Variants in PTPRD observed in about 807,000 individuals in gnomAD.
The protein encoded by PTPRD is receptor-type tyrosine-protein phosphatase delta.
In PTPRD, 34 loss-of-function variants were observed where a neutral mutation model predicts 214.5. The observed-to-expected ratio is 0.16, with a 90% CI of 0.12 to 0.21. The LOEUF (loss-of-function observed/expected upper bound fraction) is 0.21, where lower values mean the gene tolerates loss of function less well. PTPRD is among the 10% of genes least tolerant of loss of function. The pLI, the probability that PTPRD is intolerant of heterozygous loss-of-function variation, is 1.00. For synonymous variants in PTPRD, 1,128 were observed against 845.7 expected, an observed-to-expected ratio of 1.33 and a Z score of -5.79; for missense variants, 2,545 against 2,398.7, an observed-to-expected ratio of 1.06 and a Z score of -1.27.
At chr9:10,492,042 C>G (rs1435687358) in intron 2 of PTPRD, among the ~76,000 whole-genome samples, 1 of 152,092 alleles carries the variant, frequency 6.6e-6, no homozygotes, top group African/African-American at 2.4e-5. Flanking sequence ...AGGATGTGAA[C>G]TCATTGTTTT....
At chr9:10,288,767 T>C (rs929180666) in intron 3 of PTPRD, among the ~76,000 whole-genome samples, 10 of 152,120 alleles carry the variant, frequency 6.6e-5, no homozygotes, top group African/African-American at 2.4e-4. Flanking sequence ...TTCTAAAATA[T>C]AGACATGGCA....
In PTPRD at chr9:10,161,658, C is replaced by T. The variant is rs571554604; in HGVS notation, c.-544-127868G>A. 3.6e-4 allele frequency among the ~76,000 whole-genome samples: 54 copies of T among 151,678 alleles called. 3 individuals are homozygous for T. The South Asian group carries it at 0.01, about 29-fold the overall frequency. The stretch of plus-strand genomic sequence containing the variant: ...TGGGCAAAGAATTTTCGTGTAAGAC[C>T]ACAAAAGCAAGGCATTGCAAGCCAT... On this transcript the variant is annotated intron_variant, in intron 3 of 45. Transcript: ENST00000381196.
chr9:10,210,696 T>C (rs2049084921), intron 3 of PTPRD, among the ~76,000 whole-genome samples: 2 of 148,470 alleles, frequency 1.3e-5, no homozygotes, highest in South Asian at 2.1e-4. Context: ...TATTTCCATA[T>C]ACATAATACA....
In PTPRD at chr9:8,370,039, G is replaced by C. The variant is rs556762737; in HGVS notation, c.4661+5897C>G. ...ACAAGGCTCAAAAGTGGAACAAAACGGCCTTAGTTTCTAAGTGGAAGACTA... is the reference window on the plus strand; with the variant it reads ...ACAAGGCTCAAAAGTGGAACAAAACCGCCTTAGTTTCTAAGTGGAAGACTA... On this transcript the variant is annotated intron_variant, in intron 39 of 45. Coordinates refer to ENST00000381196, the MANE Select transcript of PTPRD (RefSeq NM_002839.4). Among the ~76,000 whole-genome samples, 4 of 152,050 alleles carry C rather than the reference G, an allele frequency of 2.6e-5. No homozygotes were observed. The South Asian group carries it at 8.3e-4, about 32-fold the overall frequency.
At chr9:9,897,678 T>C (rs779325021) in intron 5 of PTPRD, among the ~76,000 whole-genome samples, 29 of 151,988 alleles carry the variant, frequency 1.9e-4, no homozygotes, top group African/African-American at 7.0e-4. Context: ...GATTCACCTA[T>C]TGATTAGGAT....
chr9:10,051,336 T>G (rs1176337800), intron 3 of PTPRD, among the ~76,000 whole-genome samples: 2 of 152,180 alleles, frequency 1.3e-5, no homozygotes, highest in Non-Finnish European at 2.9e-5. Context: ...CTTCTCCTAC[T>G]GTGAGCCCTC....
chr9:8,968,302 T>C (rs1405890649), intron 11 of PTPRD, among the ~76,000 whole-genome samples: 2 of 152,120 alleles, frequency 1.3e-5, no homozygotes, highest in East Asian at 3.9e-4. Flanking sequence ...ATGGTATTTC[T>C]AGTTCTAGGT....
At chr9:9,692,361 C>T (rs1329920748) in intron 7 of PTPRD, among the ~76,000 whole-genome samples, 1 of 152,002 alleles carries the variant, frequency 6.6e-6, no homozygotes, top group African/African-American at 2.4e-5. Flanking sequence ...CCAGTATTCC[C>T]AGCACCATTT....
intron 2 of PTPRD, among the ~76,000 whole-genome samples, chr9:10,553,083 C>G (rs1164792504): frequency 6.6e-6 from 1 of 152,154 alleles, no homozygotes; most frequent in Non-Finnish European, 1.5e-5. Context: ...ATAGTGATCA[C>G]TAGCAACATC....
intron 3 of PTPRD, among the ~76,000 whole-genome samples, chr9:10,070,802 T>C (rs1423218878): frequency 1.3e-5 from 2 of 151,962 alleles, no homozygotes; most frequent in Non-Finnish European, 2.9e-5. Context: ...CACTATCATA[T>C]ATATTACAGT....
intron 34 of PTPRD, among the ~76,000 whole-genome samples, chr9:8,449,358 G>A (rs1370976036): frequency 1.3e-5 from 2 of 151,360 alleles, no homozygotes; most frequent in African/African-American, 2.4e-5. Context: ...GATGTGTACA[G>A]TCATCCATTT....
At chr9:8,318,039 T>C in intron 45 of PTPRD, 97 bp from the exon 46 acceptor site, 1 of 1,163,194 alleles carries the variant, frequency 8.6e-7, no homozygotes, top group Non-Finnish European at 1.3e-6. Context: ...AAATAACATC[T>C]ATATAGGGGC....
intron 14 of PTPRD, among the ~76,000 whole-genome samples, chr9:8,574,160 T>A (rs1214369811): frequency 6.6e-6 from 1 of 151,938 alleles, no homozygotes; most frequent in South Asian, 2.1e-4. Flanking sequence ...GTCTTTCAGA[T>A]TGAAACATGT....
chr9:8,461,029 C>T (rs1003128085), intron 32 of PTPRD, among the ~76,000 whole-genome samples: 3 of 151,976 alleles, frequency 2.0e-5, no homozygotes, highest in Admixed American at 1.3e-4. Context: ...TACATATTTA[C>T]AATGCAAAAT....
intron 21 of PTPRD, among the ~76,000 whole-genome samples, 160 bp downstream of exon 21, chr9:8,517,688 T>C (rs2097806444): frequency 1.3e-5 from 2 of 152,248 alleles, no homozygotes; most frequent in Admixed American, 1.3e-4. Context: ...CAGATGTCCA[T>C]GCTTGTTCCT....
At chr9:8,847,522 C>T (rs2097722622) in intron 11 of PTPRD, among the ~76,000 whole-genome samples, 1 of 152,038 alleles carries the variant, frequency 6.6e-6, no homozygotes, top group Non-Finnish European at 1.5e-5. Context: ...CTTAATTGTT[C>T]AGATATCATG....
At chr9:8,757,621 CATAT>C (rs140684940) in intron 11 of PTPRD, among the ~76,000 whole-genome samples, 54 of 143,352 alleles carry the variant, frequency 3.8e-4, no homozygotes, top group Admixed American at 9.7e-4. Context: ...ATAAATTCTG[CATAT>C]ATATATATAT....
At chr9:9,209,684 G>C (rs2099947274) in intron 9 of PTPRD, among the ~76,000 whole-genome samples, 1 of 152,146 alleles carries the variant, frequency 6.6e-6, no homozygotes, top group African/African-American at 2.4e-5. Context: ...GATTATTGTT[G>C]AAGTGGGTGA....
At chr9:10,379,068 A>T (rs1442190608) in intron 2 of PTPRD, among the ~76,000 whole-genome samples, 1 of 151,522 alleles carries the variant, frequency 6.6e-6, no homozygotes, top group East Asian at 1.9e-4. Flanking sequence ...ATTTAATTTT[A>T]TTTCTGGTAT....
Sources: allele counts gnomAD v4.1 joint callset (sites outside exome capture counted in the v4.1 genomes callset), GRCh38; gene constraint gnomAD v4.1.1; transcripts MANE v1.5; gene names NCBI Gene and HGNC (gene_info 2026-07-23, HGNC 2026-07-21).